Variants in ITGAE observed in about 807,000 individuals in gnomAD.
ITGAE encodes integrin subunit alpha E, also known as integrin alpha-E.
ITGAE carries 99 observed loss-of-function variants against 136.5 expected under a neutral mutation model. The ratio of observed to expected loss-of-function variants is 0.73; its 90% CI spans 0.62 to 0.86. The LOEUF (loss-of-function observed/expected upper bound fraction) is 0.86, where lower values mean the gene tolerates loss of function less well. Among genes scored for constraint, ITGAE ranks in the 40% least tolerant of loss-of-function variants. The pLI, the probability that ITGAE is intolerant of heterozygous loss-of-function variation, is 0.00. For missense variants in ITGAE, 1,447 were observed against 1,515.3 expected (o/e 0.95, Z 0.75); for synonymous variants, 613 against 591.8 (o/e 1.04, Z -0.52).
chr17:3,777,249 C>T (rs1051968371), intron 2 of ITGAE, among the ~76,000 whole-genome samples: 16 of 152,222 alleles, frequency 1.1e-4, no homozygotes, highest in Non-Finnish European at 1.2e-4. Context: ...GCGTGAGCCA[C>T]CGTGCCCGGC....
chr17:3,760,895 G>A, intron 6 of ITGAE, 118 bp downstream of exon 6: 2 of 1,431,056 alleles, frequency 1.4e-6, no homozygotes, highest in Non-Finnish European at 9.2e-7. Context: ...GGTCAGGTCT[G>A]TAAAGTCCAG....
chr17:3,716,786 AGAC>A lies in ITGAE; in HGVS notation c.3343_3345del (p.Val1115del). Reference sequence around the variant, plus strand: ...GAATGGTACTTCTCATCTTTCAGGAAGACGACAGTGATCTAGACAAGACAAAGA... The same window carrying A: ...GAATGGTACTTCTCATCTTTCAGGAAGACAGTGATCTAGACAAGACAAAGA... On this transcript the variant is annotated inframe_deletion, in exon 30 of 31. Coordinates refer to ENST00000263087, the MANE Select transcript of ITGAE (RefSeq NM_002208.5). The A allele has an allele frequency of 1.9e-6, 3 of 1,586,190 alleles. No individual in the cohort carries two copies.
intron 1 of ITGAE, among the ~76,000 whole-genome samples, chr17:3,786,716 T>C (rs1300557783): frequency 1.3e-5 from 2 of 151,580 alleles, no homozygotes; most frequent in Non-Finnish European, 2.9e-5. Context: ...ATGGTGAAAC[T>C]CCATCTCTAC....
intron 8 of ITGAE, among the ~76,000 whole-genome samples, chr17:3,758,215 C>T (rs149604307): frequency 6.6e-6 from 1 of 152,174 alleles, no homozygotes; most frequent in Admixed American, 6.5e-5. Context: ...AGCCATCCAA[C>T]CATCACAAAA....
chr17:3,733,346 G>A (rs1041252895), intron 21 of ITGAE, among the ~76,000 whole-genome samples: 3 of 152,054 alleles, frequency 2.0e-5, no homozygotes, highest in African/African-American at 4.8e-5. Flanking sequence ...AAGATGACCG[G>A]GGACAAATCT....
intron 1 of ITGAE, among the ~76,000 whole-genome samples, chr17:3,793,347 G>A (rs371723814): frequency 6.6e-6 from 1 of 151,238 alleles, no homozygotes; most frequent in Non-Finnish European, 1.5e-5. Flanking sequence ...CATCATGCCC[G>A]GCCTTTTTTT....
intron 29 of ITGAE, among the ~76,000 whole-genome samples, chr17:3,719,235 C>CAAAA (rs746282209): frequency 2.6e-4 from 17 of 66,192 alleles, no homozygotes; most frequent in South Asian, 5.7e-4. Context: ...GATTCTTCCT[C>CAAAA]AAAAAAAAAA....
chr17:3,741,068 G>GTTTTTTT (rs1447955211), intron 19 of ITGAE, among the ~76,000 whole-genome samples: 2 of 110,512 alleles, frequency 1.8e-5, no homozygotes, highest in African/African-American at 6.7e-5. Context: ...GTTTTTTGTT[G>GTTTTTTT]TATTTTTTTT....
In ITGAE at chr17:3,731,197, G is replaced by C. The variant is rs2051333860; in HGVS notation, c.2755-14C>G. 1 of 1,608,596 alleles carries C rather than the reference G, an allele frequency of 6.2e-7. No homozygotes were observed. Among genetic ancestry groups the C allele is most frequent in the Non-Finnish European group, 8.5e-7 (1 of 1,175,404 alleles). On this transcript the variant is annotated splice_polypyrimidine_tract_variant and intron_variant, in intron 22 of 30. Transcript: ENST00000263087. ...TGAAACATGAGCCTATTTTAAAGGG[G>C]GAAAAATGGTCAGTTGATTCTCTCT...
At chr17:3,721,846 G>C (rs2051057524) in intron 28 of ITGAE, 1 of 151,938 alleles carries the variant, frequency 6.6e-6, no homozygotes, top group Non-Finnish European at 1.5e-5. Context: ...AGGAGTTCAA[G>C]ACCAGCCTGA....
In ITGAE at chr17:3,771,535, T is replaced by TCTCTC. The variant is rs113945304; in HGVS notation, c.155+6004_155+6005insGAGAG. Among the ~76,000 whole-genome samples, 85 of 131,630 alleles carry TCTCTC rather than the reference T, an allele frequency of 6.5e-4. 1 individual carries two copies. The highest frequency in any genetic ancestry group is 3.9e-3 in the Middle Eastern group (1 of 258). 86.4% of individuals were successfully genotyped at this position (131,630 alleles called of 152,430 possible). A position where few individuals can be genotyped will look rare whatever the true frequency, so the allele number is the denominator to read the frequency against. Reference sequence around the variant, plus strand: ...TGCTTATGAGGTGTGCATTTTTCTCTTTTTTTTTTTTTTTTTTTTGGAGAG... The same window carrying TCTCTC: ...TGCTTATGAGGTGTGCATTTTTCTCTCTCTCTTTTTTTTTTTTTTTTTTTGGAGAG... On this transcript the variant is annotated intron_variant, in intron 2 of 30. Transcript: ENST00000263087.
chr17:3,725,958 A>G, intron 26 of ITGAE: 3 of 1,613,824 alleles, frequency 1.9e-6, no homozygotes. Flanking sequence ...GAAGAGCAGC[A>G]CTATCCCCAG....
intron 1 of ITGAE, 53 bp downstream of exon 1, chr17:3,801,058 G>A (rs2053247456): frequency 1.5e-5 from 24 of 1,599,510 alleles, no homozygotes; most frequent in Non-Finnish European, 2.0e-5. Context: ...GCAGACACCT[G>A]GCTGGAGCTG....
chr17:3,779,935 C>T (rs2052625009), intron 1 of ITGAE, among the ~76,000 whole-genome samples: 1 of 152,126 alleles, frequency 6.6e-6, no homozygotes, highest in African/African-American at 2.4e-5. Context: ...AAGACATTTT[C>T]ATCCTTGTTT....
chr17:3,791,542 C>T lies in ITGAE; in HGVS notation c.34+9569G>A, dbSNP rs373068275. Among the ~76,000 whole-genome samples the T allele has an allele frequency of 5.9e-4, 90 of 152,238 alleles. 1 individual carries two copies. The highest frequency in any genetic ancestry group is 2.1e-3 in the African/African-American group (88 of 41,542). On this transcript the variant is annotated intron_variant, in intron 1 of 30. Coordinates refer to ENST00000263087, the MANE Select transcript of ITGAE (RefSeq NM_002208.5). ...AGGTGATCCACCAGCCTCAGCCTCC[C>T]AAAGTGCTGGGATTACAGGTGTGAG...
chr17:3,778,037 G>A (rs940651494), intron 1 of ITGAE, among the ~76,000 whole-genome samples: 1 of 152,122 alleles, frequency 6.6e-6, no homozygotes, highest in African/African-American at 2.4e-5. Flanking sequence ...GAGGGCCTGT[G>A]TATGTTCTAT....
intron 6 of ITGAE, 123 bp downstream of exon 6, chr17:3,760,890 G>C (rs1475907702): frequency 2.9e-6 from 4 of 1,396,846 alleles, no homozygotes; most frequent in African/African-American, 1.4e-5. Flanking sequence ...GTACAGGTCA[G>C]GTCTGTAAAG....
chr17:3,724,739 G>C (rs1003316116), intron 26 of ITGAE: 3 of 1,614,122 alleles, frequency 1.9e-6, no homozygotes, highest in Non-Finnish European at 2.5e-6. Context: ...ATATGAGAGA[G>C]TCCTGCTGTA....
Position 3,737,009 on chromosome 17 carries a change from G to A in ITGAE, c.2523-2060C>T, listed in dbSNP as rs1597315825. Among the ~76,000 whole-genome samples the A allele has an allele frequency of 2.6e-5, 4 of 151,776 alleles. No individual in the cohort carries two copies. The South Asian group carries it at 8.4e-4, about 32-fold the overall frequency. On this transcript the variant is annotated intron_variant, in intron 20 of 30. Transcript: ENST00000263087. ...TGCCTGAAATAAGGAAACAGTAGTGGATGCCTGGACACGGTGGCTCACGCC... is the reference window on the plus strand; with the variant it reads ...TGCCTGAAATAAGGAAACAGTAGTGAATGCCTGGACACGGTGGCTCACGCC...
Sources: gnomAD v4.1 joint callset for allele counts (sites outside exome capture counted in the v4.1 genomes callset) on GRCh38, gnomAD v4.1.1 for gene constraint, MANE v1.5 for transcripts, NCBI Gene and HGNC (gene_info 2026-07-23, HGNC 2026-07-21) for gene names.